MRPL18: variants seen among roughly 807,000 people sequenced by gnomAD.
MRPL18 encodes large ribosomal subunit protein uL18m.
Under a neutral mutation model 20.9 loss-of-function variants are expected in MRPL18, and 16 were observed. That is an observed-to-expected ratio of 0.76 (90% CI 0.52 to 1.16). The LOEUF is 1.16. Among genes scored for constraint, MRPL18 ranks in the 50% most tolerant of loss-of-function variants. MRPL18 has a pLI of 0.00. For synonymous variants in MRPL18, 91 were observed against 87.1 expected, an observed-to-expected ratio of 1.04 and a Z score of -0.25; for missense variants, 233 against 230.6, an observed-to-expected ratio of 1.01 and a Z score of -0.07.
chr6:159,793,317 C>T (rs889724473), intron 2 of MRPL18, among the ~76,000 whole-genome samples: 7 of 152,098 alleles, frequency 4.6e-5, no homozygotes, highest in Admixed American at 1.3e-4. Context: ...CAGCAAACTA[C>T]GGCCCGTGGG....
In MRPL18 at chr6:159,790,555, AAG is replaced by A; in HGVS notation, c.-30_-29del. 1.9e-6 allele frequency: 3 copies of A among 1,614,048 alleles called. No individual in the cohort carries two copies. Among genetic ancestry groups the A allele is most frequent in the East Asian group, 2.2e-5 (1 of 44,870 alleles). Reference sequence around the variant, plus strand: ...AGCGACTGAGTCGTCCGTGAGGAAAAAGAGGCGAGGCTTTTCCGAGATCGTCT... The same window carrying A: ...AGCGACTGAGTCGTCCGTGAGGAAAAAGGCGAGGCTTTTCCGAGATCGTCT... On this transcript the variant is annotated 5_prime_UTR_variant, in exon 1 of 4. Coordinates refer to ENST00000367034, the MANE Select transcript of MRPL18 (RefSeq NM_014161.5).
chr6:159,793,844 G>A (rs1358801483), intron 2 of MRPL18, among the ~76,000 whole-genome samples: 2 of 151,956 alleles, frequency 1.3e-5, no homozygotes, highest in East Asian at 1.9e-4. Flanking sequence ...CCTGGGAGGC[G>A]GAGCTTGCAG....
intron 2 of MRPL18, among the ~76,000 whole-genome samples, chr6:159,796,609 G>A (rs1321326956): frequency 6.6e-6 from 1 of 151,656 alleles, no homozygotes; most frequent in Non-Finnish European, 1.5e-5. Flanking sequence ...GCAACATAGG[G>A]AGACCCTGTC....
In MRPL18 at chr6:159,797,369, C is replaced by A; in HGVS notation, c.322C>A (p.Arg108Ser). The A allele has an allele frequency of 6.2e-7, 1 of 1,614,128 alleles. No homozygotes were observed. Among genetic ancestry groups the A allele is most frequent in the African/African-American group, 1.3e-5 (1 of 75,022 alleles). The change falls in exon 3 of 4, where the codon CGT becomes AGT. Residue 108 changes from arginine (R) to serine (S), a missense_variant. Arg to Ser is a moderately radical substitution (Grantham distance 110). Transcript: ENST00000367034. The stretch of plus-strand genomic sequence containing the variant: ...CAAGGTTGTGGTTTCGGCCTCCACT[C>A]GTGAGTGGGCTATTAAAAAGCACCT... The part of the protein sequence containing the change: ...NGKVVVSAST[R>S]EWAIKKHLYS...
upstream of MRPL18, chr6:159,790,129 T>G (rs1172487917): frequency 2.1e-5 from 4 of 194,120 alleles, no homozygotes; most frequent in African/African-American, 9.3e-5. Flanking sequence ...GGAAAATTTT[T>G]GGTTCGAGGA....
chr6:159,795,144 A>G (rs897210015), intron 2 of MRPL18, among the ~76,000 whole-genome samples: 1 of 152,200 alleles, frequency 6.6e-6, no homozygotes, highest in Non-Finnish European at 1.5e-5. Flanking sequence ...AACTCAGTAG[A>G]TGGAACGTAC....
intron 3 of MRPL18, 99 bp downstream of exon 3, chr6:159,797,617 T>G: frequency 5.3e-6 from 6 of 1,123,632 alleles, no homozygotes; most frequent in South Asian, 2.9e-5. Context: ...CCAAATACTT[T>G]CCATGTGTCA....
upstream of MRPL18, chr6:159,790,347 C>G (rs1780835856): frequency 1.6e-6 from 1 of 620,102 alleles, no homozygotes; most frequent in Non-Finnish European, 2.9e-6. Flanking sequence ...GGTTGGTGGG[C>G]TCCAGGGCCT....
chr6:159,792,423 C>T (rs1780924522), intron 2 of MRPL18, among the ~76,000 whole-genome samples: 1 of 152,048 alleles, frequency 6.6e-6, no homozygotes, highest in Non-Finnish European at 1.5e-5. Context: ...GCGTTAGAGG[C>T]AGGAGTTACA....
chr6:159,796,673 A>C (rs1247564862), intron 2 of MRPL18, among the ~76,000 whole-genome samples: 1 of 152,096 alleles, frequency 6.6e-6, no homozygotes, highest in Non-Finnish European at 1.5e-5. Context: ...AATGCCAACT[A>C]CTTGGGAGAC....
rs1190554824 is a variant in MRPL18, at chr6:159,795,767, A to T, written c.240-1520A>T. Among the ~76,000 whole-genome samples the T allele has an allele frequency of 2.0e-5, 3 of 152,276 alleles. No individual in the cohort carries two copies. In the South Asian group the frequency reaches 6.2e-4, roughly 32 times the overall value. Reference sequence around the variant, plus strand: ...TGTGTAAATTAGCTCTTTGAACAATATATGAGTTTAAAATATTTTTTCTTT... The same window carrying T: ...TGTGTAAATTAGCTCTTTGAACAATTTATGAGTTTAAAATATTTTTTCTTT... On this transcript the variant is annotated intron_variant, in intron 2 of 3. Coordinates refer to ENST00000367034, the MANE Select transcript of MRPL18 (RefSeq NM_014161.5).
At chr6:159,792,742 A>G (rs1053294935) in intron 2 of MRPL18, among the ~76,000 whole-genome samples, 2 of 152,144 alleles carry the variant, frequency 1.3e-5, no homozygotes, top group African/African-American at 2.4e-5. Context: ...GGCTCCAGCA[A>G]TCTTCCCACC....
chr6:159,791,282 G>A (rs1204034157), intron 2 of MRPL18, among the ~76,000 whole-genome samples, 156 bp downstream of exon 2: 2 of 152,212 alleles, frequency 1.3e-5, no homozygotes, highest in African/African-American at 4.8e-5. Context: ...TGTGATGGGG[G>A]CTATTTAAAG....
intron 2 of MRPL18, among the ~76,000 whole-genome samples, chr6:159,794,694 T>C (rs1562489959): frequency 6.6e-6 from 1 of 152,250 alleles, no homozygotes. Context: ...ATTTTTCTTT[T>C]CTGTGAACAG....
intron 3 of MRPL18, 52 bp from the exon 4 acceptor site, chr6:159,798,000 A>G: frequency 6.9e-7 from 1 of 1,442,138 alleles, no homozygotes; most frequent in Non-Finnish European, 9.7e-7. Flanking sequence ...TTTTCAGCCT[A>G]CTCGTGCTGC....
rs372471713 is a variant in MRPL18, at chr6:159,797,268, A to C, written c.240-19A>C. The C allele has an allele frequency of 2.8e-5, 45 of 1,597,298 alleles. No individual in the cohort carries two copies. Among genetic ancestry groups the C allele is most frequent in the Middle Eastern group, 1.7e-4 (1 of 6,048 alleles). On this transcript the variant is annotated intron_variant, in intron 2 of 3. Transcript: ENST00000367034. Reference sequence around the variant, plus strand: ...ATACAGATTCTTCTGTGATTTTATTATCTTCTCACCCCATTTAGGTTGCGA... The same window carrying C: ...ATACAGATTCTTCTGTGATTTTATTCTCTTCTCACCCCATTTAGGTTGCGA...
At chr6:159,796,423 T>C (rs1272959686) in intron 2 of MRPL18, among the ~76,000 whole-genome samples, 1 of 150,828 alleles carries the variant, frequency 6.6e-6, no homozygotes, top group Non-Finnish European at 1.5e-5. Flanking sequence ...GAGGCTGCTG[T>C]GAGCCAAGTT....
Position 159,798,106 on chromosome 6 carries a change from C to CA in MRPL18, c.527dup (p.Arg177GlufsTer4). On this transcript the variant is annotated frameshift_variant, in exon 4 of 4. Coordinates refer to ENST00000367034, the MANE Select transcript of MRPL18 (RefSeq NM_014161.5). LOFTEE classifies it high-confidence loss of function. ...AGGTGGTGTGGTTCTACGGGAACCT[C>CA]AGAGAATCTATGAATAAATGGAAGC... 6.2e-7 allele frequency: 1 copy of CA among 1,612,854 alleles called. No individual in the cohort carries two copies. The highest frequency in any genetic ancestry group is 1.1e-5 in the South Asian group (1 of 91,002).
intron 2 of MRPL18, among the ~76,000 whole-genome samples, chr6:159,791,678 C>G (rs1853257): frequency 0.77 from 117,594 of 152,136 alleles, 45,779 homozygotes; most frequent in South Asian, 0.85. Flanking sequence ...GCCGAAGAAG[C>G]CGGATCATCT....
Sources: gnomAD v4.1 joint callset for allele counts (sites outside exome capture counted in the v4.1 genomes callset) on GRCh38, gnomAD v4.1.1 for gene constraint, MANE v1.5 for transcripts, NCBI Gene and HGNC (gene_info 2026-07-23, HGNC 2026-07-21) for gene names.